STXBP5: variants seen among roughly 807,000 people sequenced by gnomAD.
STXBP5 encodes the protein syntaxin-binding protein 5.
Under a neutral mutation model 152.4 loss-of-function variants are expected in STXBP5, and 50 were observed. The ratio of observed to expected loss-of-function variants is 0.33; its 90% CI spans 0.26 to 0.42. The LOEUF (loss-of-function observed/expected upper bound fraction) is 0.42. Among genes scored for constraint, STXBP5 ranks in the 10% least tolerant of loss-of-function variants. The pLI, the probability that STXBP5 is intolerant of heterozygous loss-of-function variation, is 1.00. For synonymous variants in STXBP5, 492 were observed against 494.7 expected, an observed-to-expected ratio of 0.99 and a Z score of 0.07; for missense variants, 1,167 against 1,388.6, an observed-to-expected ratio of 0.84 and a Z score of 2.54.
intron 7 of STXBP5, among the ~76,000 whole-genome samples, chr6:147,268,029 G>T (rs947914717): frequency 1.3e-5 from 2 of 152,088 alleles, no homozygotes; most frequent in African/African-American, 4.8e-5. Flanking sequence ...TAAATATGTG[G>T]TTCTTTTCCT....
At chr6:147,229,776 T>C (rs913153162) in intron 2 of STXBP5, among the ~76,000 whole-genome samples, 2 of 152,012 alleles carry the variant, frequency 1.3e-5, no homozygotes, top group Non-Finnish European at 2.9e-5. Context: ...TCTTAGAATT[T>C]TCTATATATG....
intron 9 of STXBP5, among the ~76,000 whole-genome samples, chr6:147,307,157 C>T (rs572775324): frequency 6.6e-6 from 1 of 152,132 alleles, no homozygotes; most frequent in African/African-American, 2.4e-5. Context: ...TGGCAGAAAG[C>T]GTGTTTACTC....
chr6:147,324,274 T>TG lies in STXBP5; in HGVS notation c.1803-685_1803-684insG, dbSNP rs1223658772. On this transcript the variant is annotated intron_variant, in intron 16 of 27. Transcript: ENST00000321680. The stretch of plus-strand genomic sequence containing the variant: ...TGGGGTTTTTTTTTGGTTTTTTTTT[T>TG]TTTTTTTTTTTTTTTGAGACAGAGT... Among the ~76,000 whole-genome samples, 17 of 125,602 alleles carry TG rather than the reference T, an allele frequency of 1.4e-4. 1 individual carries two copies. Among genetic ancestry groups the TG allele is most frequent in the South Asian group, 2.8e-4 (1 of 3,592 alleles). 82.4% of individuals were successfully genotyped at this position (125,602 alleles called of 152,430 possible). A position where few individuals can be genotyped will look rare whatever the true frequency, so the allele number is the denominator to read the frequency against.
At chr6:147,335,697 G>T (rs1783790548) in intron 19 of STXBP5, among the ~76,000 whole-genome samples, 1 of 152,138 alleles carries the variant, frequency 6.6e-6, no homozygotes, top group Non-Finnish European at 1.5e-5. Flanking sequence ...CTACTCGGGA[G>T]GCTGAGGCAG....
chr6:147,242,522 T>TCC (rs1778599162), intron 4 of STXBP5, among the ~76,000 whole-genome samples: 2 of 152,300 alleles, frequency 1.3e-5, no homozygotes, highest in South Asian at 4.1e-4. Context: ...TCCTGCAAGC[T>TCC]CCGTTCATGA....
In STXBP5 at chr6:147,278,182, A is replaced by G. The variant is rs562033134; in HGVS notation, c.816A>G (p.Pro272=). ...TIWNVRSPAK[P]VQTITPHGKQ... ...GGAATGTAAGGTCCCCTGCTAAACC[A>G]GTACAGACAATCACTCCACATGGTA... The change falls in exon 8 of 28, where the codon CCA becomes CCG. Residue 272 remains proline, a synonymous_variant. Transcript: ENST00000321680. The G allele has an allele frequency of 2.7e-5, 44 of 1,610,684 alleles. 1 individual carries two copies. The South Asian group carries it at 4.7e-4, about 17-fold the overall frequency.
At chr6:147,230,406 A>G (rs74379198) in intron 2 of STXBP5, among the ~76,000 whole-genome samples, 2,783 of 151,908 alleles carry the variant, frequency 0.018, 40 homozygotes, top group Middle Eastern at 0.044. Context: ...TGGTACCCTA[A>G]GCTAACATGA....
intron 2 of STXBP5, among the ~76,000 whole-genome samples, chr6:147,230,805 T>G (rs1777963934): frequency 6.6e-6 from 1 of 151,902 alleles, no homozygotes; most frequent in Non-Finnish European, 1.5e-5. Context: ...GCAAGTTACT[T>G]AAACTTTGCG....
intron 16 of STXBP5, among the ~76,000 whole-genome samples, chr6:147,324,273 T>G (rs202159624): frequency 1.1e-3 from 141 of 124,622 alleles, no homozygotes; most frequent in African/African-American, 4.0e-3. Context: ...GGTTTTTTTT[T>G]TTTTTTTTTT....
chr6:147,283,516 T>C (rs1225330079), intron 8 of STXBP5, among the ~76,000 whole-genome samples: 1 of 152,172 alleles, frequency 6.6e-6, no homozygotes, highest in African/African-American at 2.4e-5. Flanking sequence ...CAGGCAGGTA[T>C]TCTGAAACAT....
chr6:147,288,139 C>G (rs1283474065), intron 8 of STXBP5, among the ~76,000 whole-genome samples: 1 of 152,098 alleles, frequency 6.6e-6, no homozygotes, highest in Non-Finnish European at 1.5e-5. Flanking sequence ...GAAACTACAG[C>G]CTTAGGCAGC....
At chr6:147,374,029 C>T (rs965085177) in intron 26 of STXBP5, among the ~76,000 whole-genome samples, 187 bp downstream of exon 26, 4 of 152,000 alleles carry the variant, frequency 2.6e-5, no homozygotes, top group African/African-American at 9.7e-5. Flanking sequence ...ATACTTTACT[C>T]AAGGAAATAT....
chr6:147,350,470 C>T (rs1047383867), intron 21 of STXBP5, among the ~76,000 whole-genome samples: 18 of 151,986 alleles, frequency 1.2e-4, no homozygotes, highest in Non-Finnish European at 2.4e-4. Flanking sequence ...ATGTATTTAA[C>T]GTTTAATGTA....
chr6:147,218,248 G>A (rs1419982046), intron 2 of STXBP5, among the ~76,000 whole-genome samples: 1 of 152,016 alleles, frequency 6.6e-6, no homozygotes, highest in Non-Finnish European at 1.5e-5. Context: ...CATTTTATGT[G>A]TTTAGACAAA....
At chr6:147,215,958 G>T (rs924275196) in intron 2 of STXBP5, among the ~76,000 whole-genome samples, 3 of 152,014 alleles carry the variant, frequency 2.0e-5, no homozygotes, top group East Asian at 1.9e-4. Flanking sequence ...ATACATATGT[G>T]TAGGTACATT....
intron 9 of STXBP5, among the ~76,000 whole-genome samples, chr6:147,306,708 G>T (rs1782112798): frequency 6.6e-6 from 1 of 152,134 alleles, no homozygotes; most frequent in Non-Finnish European, 1.5e-5. Context: ...CTTTGTGGTG[G>T]CTATTCCTGC....
chr6:147,213,471 T>TGC (rs1210162851), intron 2 of STXBP5, among the ~76,000 whole-genome samples: 2 of 121,480 alleles, frequency 1.6e-5, no homozygotes, highest in Admixed American at 1.6e-4. Flanking sequence ...TGTGTGTGTG[T>TGC]GTGTGTGCGC....
chr6:147,288,773 A>T (rs573791113), intron 8 of STXBP5, among the ~76,000 whole-genome samples: 1 of 152,262 alleles, frequency 6.6e-6, no homozygotes, highest in Admixed American at 6.5e-5. Context: ...AAGTTTATTA[A>T]AAAGGCTTTA....
At chr6:147,224,475 TA>T (rs1777612054) in intron 2 of STXBP5, among the ~76,000 whole-genome samples, 1 of 152,132 alleles carries the variant, frequency 6.6e-6, no homozygotes, top group South Asian at 2.1e-4. Flanking sequence ...TAAATTAAAA[TA>T]AAATTTAAAA....
Sources: allele counts gnomAD v4.1 joint callset (sites outside exome capture counted in the v4.1 genomes callset), GRCh38; gene constraint gnomAD v4.1.1; transcripts MANE v1.5; gene names NCBI Gene and HGNC (gene_info 2026-07-23, HGNC 2026-07-21).